The following CRMP1 variants were observed in gnomAD, a reference collection of about 807,000 sequenced individuals.
The protein encoded by CRMP1 is dihydropyrimidinase-related protein 1.
A neutral mutation model predicts 68.3 loss-of-function variants in CRMP1; 19 were observed. The ratio of observed to expected loss-of-function variants is 0.28; its 90% CI spans 0.19 to 0.41. CRMP1 has a LOEUF of 0.41. Ranked by LOEUF, CRMP1 falls within the 10% of genes least tolerant of loss-of-function variation. CRMP1 has a pLI of 1.00. For missense variants in CRMP1, 791 were observed against 967.4 expected (o/e 0.82, Z 2.42); for synonymous variants, 439 against 399.6 (o/e 1.10, Z -1.18).
rs375803279 is a variant in CRMP1, at chr4:5,843,793, G to A, written c.964-632C>T. Among the ~76,000 whole-genome samples, 45 of 152,182 alleles carry A rather than the reference G, an allele frequency of 3.0e-4. 1 individual carries two copies. In the South Asian group the frequency reaches 7.1e-3, roughly 24 times the overall value. ...AGCACACGCTCATTAATTGGCAGCC[G>A]GCTCTCATACCTACTTCAGCTGCCT... is the stretch of plus-strand genomic sequence containing the variant. On this transcript the variant is annotated intron_variant, in intron 6 of 13. Transcript: ENST00000324989. The surrounding 1 kb of genome is among the most constrained non-coding windows in gnomAD (Gnocchi z 4.1).
chr4:5,889,588 A>T lies in CRMP1; in HGVS notation c.381+3001T>A, dbSNP rs1178227633. 1 of 1,536,144 alleles carries T rather than the reference A, an allele frequency of 6.5e-7. No individual in the cohort carries two copies. The highest frequency in any genetic ancestry group is 8.7e-7 in the Non-Finnish European group (1 of 1,146,894). ...CCAGCAAGCCCCAACCTCACTGGAC[A>T]GGTGCCCCAAGTTCCCAGGCAGAAT... On this transcript the variant is annotated intron_variant, in intron 1 of 13. Transcript: ENST00000324989. The surrounding 1 kb of genome is among the most constrained non-coding windows in gnomAD (Gnocchi z 4.5).
At chr4:5,875,388 C>G (rs533646577) in intron 1 of CRMP1, among the ~76,000 whole-genome samples, 1 of 96,904 alleles carries the variant, frequency 1.0e-5, no homozygotes, top group East Asian at 3.0e-4. Flanking sequence ...CTATTAAGGT[C>G]TAGATTTTAG....
At chr4:5,822,497 G>C (rs868688605) in intron 13 of CRMP1, among the ~76,000 whole-genome samples, 11,430 of 120,680 alleles carry the variant, frequency 0.095, 504 homozygotes, top group South Asian at 0.17. Flanking sequence ...ATCTGAAGGG[G>C]GGGGGGGTGG....
chr4:5,854,542 A>G lies in CRMP1; in HGVS notation c.820+1601T>C, dbSNP rs1312247323. Among the ~76,000 whole-genome samples the G allele has an allele frequency of 5.3e-5, 8 of 151,910 alleles. No individual in the cohort carries two copies. Among genetic ancestry groups the G allele is most frequent in the African/African-American group, 9.7e-5 (4 of 41,352 alleles). On this transcript the variant is annotated intron_variant, in intron 4 of 13. Coordinates refer to ENST00000324989, the MANE Select transcript of CRMP1 (RefSeq NM_001014809.3). This position sits in a 1 kb window ranked among gnomAD's most constrained non-coding sequence, Gnocchi z 4.0. The stretch of plus-strand genomic sequence containing the variant: ...TTACAGGCATGAGCCACCATGGCCA[A>G]TAATGCCTTCTTGATAGAAAGAGCT...
rs1384418782 is a variant in CRMP1 at position 5,888,835 on chromosome 4, G to A, written c.381+3754C>T. On this transcript the variant is annotated intron_variant, in intron 1 of 13. Coordinates refer to ENST00000324989, the MANE Select transcript of CRMP1 (RefSeq NM_001014809.3). This position sits in a 1 kb window ranked among gnomAD's most constrained non-coding sequence, Gnocchi z 6.4. ...CCCGGAACATCTGCGGGGGTGTGGG[G>A]GGAGGGAGTGTGGGACGGGGGCCAA... Among the ~76,000 whole-genome samples the A allele has an allele frequency of 6.6e-6, 1 of 151,904 alleles. No homozygotes were observed.
rs1481855838 is a variant in CRMP1 at position 5,860,901 on chromosome 4, G to A, written c.655+125C>T. 6.4e-6 allele frequency: 6 copies of A among 936,200 alleles called. No homozygotes were observed. Among genetic ancestry groups the A allele is most frequent in the Middle Eastern group, 3.4e-4 (1 of 2,976 alleles). The allele number at this position is 936,200 out of a possible 1,614,324, so 58.0% of individuals were successfully genotyped here. A position where few individuals can be genotyped will look rare whatever the true frequency, so the allele number is the denominator to read the frequency against. On this transcript the variant is annotated intron_variant, in intron 3 of 13. Transcript: ENST00000324989. The surrounding 1 kb of genome is among the most constrained non-coding windows in gnomAD (Gnocchi z 4.2). ...ACAGTGACCTGTGTCATAGGGCTGG[G>A]GGGAGAATGAAATCCAATGGCACCC...
At chr4:5,863,653 C>G (rs1713754243) in intron 2 of CRMP1, among the ~76,000 whole-genome samples, 1 of 152,150 alleles carries the variant, frequency 6.6e-6, no homozygotes, top group Non-Finnish European at 1.5e-5. Flanking sequence ...AAGAAACTCT[C>G]AACCACCGGC....
chr4:5,886,435 G>T (rs1715590519), intron 1 of CRMP1, among the ~76,000 whole-genome samples: 1 of 152,226 alleles, frequency 6.6e-6, no homozygotes, highest in Admixed American at 6.5e-5. Flanking sequence ...GAGCACTGAG[G>T]TTCAGAGAGG....
intron 1 of CRMP1, among the ~76,000 whole-genome samples, chr4:5,868,761 T>C (rs1577824801): frequency 1.3e-5 from 2 of 152,190 alleles, no homozygotes; most frequent in East Asian, 3.9e-4. Context: ...TGCACAAAAC[T>C]CCTTCCTTGG....
chr4:5,839,380 A>C, intron 9 of CRMP1, 142 bp downstream of exon 9: 2 of 1,024,626 alleles, frequency 2.0e-6, no homozygotes, highest in East Asian at 5.3e-5. Context: ...TGTAAGCCAT[A>C]TGAGCGCAGT....
Position 5,870,165 on chromosome 4 carries a change from C to T in CRMP1, c.382-3409G>A, listed in dbSNP as rs1162094480. ...TCCCAGGTTCCTGGCAGTCTTCCTG[C>T]TCCTACTTGCTTTGGGCCCTGCTTG... On this transcript the variant is annotated intron_variant, in intron 1 of 13. Coordinates refer to ENST00000324989, the MANE Select transcript of CRMP1 (RefSeq NM_001014809.3). The surrounding 1 kb of genome is among the most constrained non-coding windows in gnomAD (Gnocchi z 6.0). Among the ~76,000 whole-genome samples, 1 of 152,218 alleles carries T rather than the reference C, an allele frequency of 6.6e-6. No homozygotes were observed. The highest frequency in any genetic ancestry group is 1.5e-5 in the Non-Finnish European group (1 of 68,036).
Position 5,855,117 on chromosome 4 carries a change from A to G in CRMP1, c.820+1026T>C, listed in dbSNP as rs1227426306. Reference sequence around the variant, plus strand: ...TGAAAAAAGAAGGGTTCCACATAACAGCTATTGCACAACCACATAGGGGAA... The same window carrying G: ...TGAAAAAAGAAGGGTTCCACATAACGGCTATTGCACAACCACATAGGGGAA... On this transcript the variant is annotated intron_variant, in intron 4 of 13. Coordinates refer to ENST00000324989, the MANE Select transcript of CRMP1 (RefSeq NM_001014809.3). The surrounding 1 kb of genome is among the most constrained non-coding windows in gnomAD (Gnocchi z 4.9). Among the ~76,000 whole-genome samples the G allele has an allele frequency of 6.6e-6, 1 of 152,256 alleles. No individual in the cohort carries two copies. Among genetic ancestry groups the G allele is most frequent in the Non-Finnish European group, 1.5e-5 (1 of 68,040 alleles).
Position 5,825,787 on chromosome 4 carries a change from CACA to C in CRMP1, c.1804-131_1804-129del. The C allele has an allele frequency of 1.2e-6, 1 of 833,446 alleles. No homozygotes were observed. The allele number at this position is 833,446 out of a possible 1,614,324, so 51.6% of individuals were successfully genotyped here. A position where few individuals can be genotyped will look rare whatever the true frequency, so the allele number is the denominator to read the frequency against. On this transcript the variant is annotated intron_variant, in intron 12 of 13. Transcript: ENST00000324989. This position sits in a 1 kb window ranked among gnomAD's most constrained non-coding sequence, Gnocchi z 4.4. ...CTTCAAATGTGCATGCACACACACA[CACA>C]ACACGCACACACGACAGGTGCACTT...
rs1712331889 is a variant in CRMP1 at position 5,847,813 on chromosome 4, A to G, written c.963+1579T>C. Among the ~76,000 whole-genome samples the G allele has an allele frequency of 2.0e-5, 3 of 152,220 alleles. No homozygotes were observed. The South Asian group carries it at 6.2e-4, about 31-fold the overall frequency. ...GAGCTTCAGTTTCCCTATCTATAAAATGGGAATAATTATATCTACCTCACG... is the reference window on the plus strand; with the variant it reads ...GAGCTTCAGTTTCCCTATCTATAAAGTGGGAATAATTATATCTACCTCACG... On this transcript the variant is annotated intron_variant, in intron 6 of 13. Transcript: ENST00000324989.
In CRMP1 at chr4:5,889,801, G is replaced by A; in HGVS notation, c.381+2788C>T. 6.6e-7 allele frequency: 1 copy of A among 1,518,906 alleles called. No individual in the cohort carries two copies. Among genetic ancestry groups the A allele is most frequent in the Non-Finnish European group, 8.8e-7 (1 of 1,136,320 alleles). 94.1% of individuals were successfully genotyped at this position (1,518,906 alleles called of 1,614,324 possible). ...GGGGCCCTGACCTTCACCACCCCAG[G>A]GGCCAGTCCCCTAATCCAGGGCAGG... On this transcript the variant is annotated intron_variant, in intron 1 of 13. Coordinates refer to ENST00000324989, the MANE Select transcript of CRMP1 (RefSeq NM_001014809.3). The surrounding 1 kb of genome is among the most constrained non-coding windows in gnomAD (Gnocchi z 4.5).
intron 8 of CRMP1, among the ~76,000 whole-genome samples, chr4:5,840,199 A>G (rs568629336): frequency 6.3e-4 from 96 of 152,280 alleles, no homozygotes; most frequent in African/African-American, 2.2e-3. Flanking sequence ...CCTGCTCGGG[A>G]ACACGCCTCA....
At chr4:5,845,147 T>G (rs976553017) in intron 6 of CRMP1, among the ~76,000 whole-genome samples, 1 of 152,208 alleles carries the variant, frequency 6.6e-6, no homozygotes, top group Admixed American at 6.5e-5. Flanking sequence ...TAAAATCAGC[T>G]AAGATTTGTG....
rs1713888498 is a variant in CRMP1 at position 5,865,071 on chromosome 4, T to C, written c.470+1597A>G. On this transcript the variant is annotated intron_variant, in intron 2 of 13. Coordinates refer to ENST00000324989, the MANE Select transcript of CRMP1 (RefSeq NM_001014809.3). The surrounding 1 kb of genome is among the most constrained non-coding windows in gnomAD (Gnocchi z 4.1). ...ACTCCACAGCCCCTTTCCCCCAGCC[T>C]CCTCCTCCTCCTCCATCATCATCTC... Among the ~76,000 whole-genome samples, 1 of 151,422 alleles carries C rather than the reference T, an allele frequency of 6.6e-6. No individual in the cohort carries two copies. Among genetic ancestry groups the C allele is most frequent in the African/African-American group, 2.4e-5 (1 of 41,100 alleles).
chr4:5,832,954 G>A (rs1720478304), intron 11 of CRMP1, among the ~76,000 whole-genome samples: 1 of 152,070 alleles, frequency 6.6e-6, no homozygotes, highest in Admixed American at 6.6e-5. Context: ...CCAATGACTG[G>A]CATCCATAAA....
Sources: allele counts gnomAD v4.1 joint callset (sites outside exome capture counted in the v4.1 genomes callset), GRCh38; gene constraint gnomAD v4.1.1; non-coding constraint Gnocchi (gnomAD v3.1); transcripts MANE v1.5; gene names NCBI Gene and HGNC (gene_info 2026-07-23, HGNC 2026-07-21).